NFIB: variants seen among roughly 807,000 people sequenced by gnomAD.
NFIB encodes nuclear factor 1 B-type.
In NFIB, 11 loss-of-function variants were observed where a neutral mutation model predicts 61.5. The ratio of observed to expected loss-of-function variants is 0.18; its 90% CI spans 0.11 to 0.30. NFIB has a LOEUF of 0.30. NFIB is among the 10% of genes least tolerant of loss of function. NFIB has a pLI of 1.00. For synonymous variants in NFIB, 260 were observed against 216.5 expected, an observed-to-expected ratio of 1.20 and a Z score of -1.76; for missense variants, 471 against 608.9, an observed-to-expected ratio of 0.77 and a Z score of 2.38.
intron 3 of NFIB, among the ~76,000 whole-genome samples, chr9:14,163,586 TA>T: frequency 6.6e-6 from 1 of 151,900 alleles, no homozygotes; most frequent in East Asian, 1.9e-4. Flanking sequence ...AGATAAATCA[TA>T]AACCCCACAT....
the NFIB span, among the ~76,000 whole-genome samples, chr9:14,413,449 G>A: frequency 6.6e-6 from 1 of 152,152 alleles, no homozygotes; most frequent in Non-Finnish European, 1.5e-5. Context: ...AAACAGGATA[G>A]CTTGATTTCA....
Position 14,183,696 on chromosome 9 carries a change from C to T in NFIB, c.563-3916G>A, listed in dbSNP as rs567865190. On this transcript the variant is annotated intron_variant, in intron 2 of 10. Coordinates refer to ENST00000380953, the MANE Select transcript of NFIB (RefSeq NM_001190737.2). ...CTGGGATTACAGGTGTGAGCCACCACACCCAGTTTAGTGTCTGGAAAGATT... is the reference window on the plus strand; with the variant it reads ...CTGGGATTACAGGTGTGAGCCACCATACCCAGTTTAGTGTCTGGAAAGATT... 2.0e-5 allele frequency among the ~76,000 whole-genome samples: 3 copies of T among 152,156 alleles called. No individual in the cohort carries two copies. The South Asian group carries it at 6.2e-4, about 32-fold the overall frequency.
chr9:14,191,347 A>T (rs187848159), intron 2 of NFIB, among the ~76,000 whole-genome samples: 40 of 151,694 alleles, frequency 2.6e-4, no homozygotes, highest in Admixed American at 7.9e-4. Flanking sequence ...AAACAAAAAT[A>T]AAAAAAATAC....
chr9:14,229,734 C>T (rs1355072783), intron 2 of NFIB, among the ~76,000 whole-genome samples: 3 of 152,204 alleles, frequency 2.0e-5, no homozygotes, highest in Non-Finnish European at 4.4e-5. Flanking sequence ...GCAAGACCCT[C>T]ACTGAGCCAA....
At chr9:14,379,105 C>A (rs1108676) in intron 1 of NFIB, among the ~76,000 whole-genome samples, 53,156 of 152,022 alleles carry the variant, frequency 0.35, 9,659 homozygotes, top group Middle Eastern at 0.41. Context: ...GAACTTATAA[C>A]CAATCACCTC....
chr9:14,211,546 T>C (rs772063309), intron 2 of NFIB, among the ~76,000 whole-genome samples: 1 of 152,112 alleles, frequency 6.6e-6, no homozygotes, highest in African/African-American at 2.4e-5. Context: ...AAAATACTAG[T>C]ATAGTTACTC....
chr9:14,325,888 T>A lies in NFIB; in HGVS notation c.109-18368A>T, dbSNP rs530067035. Among the ~76,000 whole-genome samples, 86 of 152,284 alleles carry A rather than the reference T, an allele frequency of 5.6e-4. 3 individuals carry two copies. The highest frequency in any genetic ancestry group is 3.9e-3 in the South Asian group (19 of 4,828). Reference sequence around the variant, plus strand: ...TTTGAATATGAACATATAAACACATTCTTTTAAAACAATTGGATAACTATT... The same window carrying A: ...TTTGAATATGAACATATAAACACATACTTTTAAAACAATTGGATAACTATT... On this transcript the variant is annotated intron_variant, in intron 1 of 8. Coordinates refer to the NFIB transcript ENST00000380934.
At chr9:14,355,941 A>T (rs1490446412) in intron 1 of NFIB, among the ~76,000 whole-genome samples, 1 of 151,534 alleles carries the variant, frequency 6.6e-6, no homozygotes, top group African/African-American at 2.4e-5. Flanking sequence ...TGGGTGACAG[A>T]GCGAGACTCC....
the NFIB span, among the ~76,000 whole-genome samples, chr9:14,462,971 C>T: frequency 1.3e-5 from 2 of 152,146 alleles, no homozygotes; most frequent in Admixed American, 6.6e-5. Context: ...TGAATATGTG[C>T]TTCACGAATG....
the NFIB span, among the ~76,000 whole-genome samples, chr9:14,415,208 G>C: frequency 6.6e-6 from 1 of 152,138 alleles, no homozygotes; most frequent in Non-Finnish European, 1.5e-5. Context: ...GCTGGCTATT[G>C]ATTAGAGACT....
intron 2 of NFIB, among the ~76,000 whole-genome samples, chr9:14,278,127 T>C (rs1403066148): frequency 6.6e-6 from 1 of 152,186 alleles, no homozygotes; most frequent in Non-Finnish European, 1.5e-5. Context: ...TGATGACCAG[T>C]ATGTCTTTCT....
chr9:14,091,581 A>G (rs1293664633), intron 10 of NFIB, among the ~76,000 whole-genome samples: 1 of 152,042 alleles, frequency 6.6e-6, no homozygotes, highest in African/African-American at 2.4e-5. Context: ...TGAGAATATA[A>G]CTGAAAGGAT....
At chr9:14,529,753 A>G in the NFIB span, among the ~76,000 whole-genome samples, 1 of 152,194 alleles carries the variant, frequency 6.6e-6, no homozygotes, top group Non-Finnish European at 1.5e-5. Context: ...CCAATAAGAA[A>G]CTTACGTACT....
chr9:14,127,809 C>A lies in NFIB; in HGVS notation c.926-2043G>T, dbSNP rs2039866166. Among the ~76,000 whole-genome samples, 5 of 151,752 alleles carry A rather than the reference C, an allele frequency of 3.3e-5. No individual in the cohort carries two copies. The South Asian group carries it at 1.0e-3, about 32-fold the overall frequency. Reference sequence around the variant, plus strand: ...AATATGCTACTGTAAAGGCAGTAGACATCACAGTCTACAAAAAATGCCAGG... The same window carrying A: ...AATATGCTACTGTAAAGGCAGTAGAAATCACAGTCTACAAAAAATGCCAGG... On this transcript the variant is annotated intron_variant, in intron 6 of 10. Transcript: ENST00000380953.
chr9:14,512,523 G>A, the NFIB span, among the ~76,000 whole-genome samples: 2 of 151,832 alleles, frequency 1.3e-5, no homozygotes, highest in Non-Finnish European at 2.9e-5. Flanking sequence ...GTTTTTTTCT[G>A]TTTTGAATTA....
At chr9:14,322,676 G>C (rs2060691584) in intron 1 of NFIB, among the ~76,000 whole-genome samples, 1 of 152,154 alleles carries the variant, frequency 6.6e-6, no homozygotes, top group Non-Finnish European at 1.5e-5. Context: ...GAGGAGCCGG[G>C]GGCGGGCGCG....
At chr9:14,284,849 T>A (rs957165851) in intron 2 of NFIB, among the ~76,000 whole-genome samples, 2 of 152,208 alleles carry the variant, frequency 1.3e-5, no homozygotes, top group African/African-American at 4.8e-5. Context: ...TGATACCTAT[T>A]CTTGAACAGT....
chr9:14,309,550 T>C (rs1000624566), intron 1 of NFIB, among the ~76,000 whole-genome samples: 6 of 152,218 alleles, frequency 3.9e-5, no homozygotes. Flanking sequence ...TCAGTTACTA[T>C]GCGAGCACAT....
chr9:14,247,656 A>G (rs1269838581), intron 2 of NFIB, among the ~76,000 whole-genome samples: 2 of 152,268 alleles, frequency 1.3e-5, no homozygotes, highest in Non-Finnish European at 2.9e-5. Context: ...TTCACTGGAT[A>G]TAAAATTAAA....
Sources: allele counts gnomAD v4.1 joint callset (sites outside exome capture counted in the v4.1 genomes callset), GRCh38; gene constraint gnomAD v4.1.1; transcripts MANE v1.5; gene names NCBI Gene and HGNC (gene_info 2026-07-23, HGNC 2026-07-21).